The following MAF variants were observed in gnomAD, a reference collection of about 807,000 sequenced individuals.
The protein encoded by MAF is MAF bZIP transcription factor.
MAF carries 10 observed loss-of-function variants against 22.0 expected under a neutral mutation model. That is an observed-to-expected ratio of 0.45 (90% CI 0.28 to 0.77). MAF has a LOEUF of 0.77. Ranked by LOEUF, MAF falls within the 30% of genes least tolerant of loss-of-function variation. The pLI is 0.12. For synonymous variants in MAF, 337 were observed against 255.8 expected, an observed-to-expected ratio of 1.32 and a Z score of -3.03; for missense variants, 544 against 548.4, an observed-to-expected ratio of 0.99 and a Z score of 0.08.
the MAF span, among the ~76,000 whole-genome samples, chr16:79,339,380 TGA>T: frequency 1.3e-5 from 2 of 152,188 alleles, no homozygotes; most frequent in Non-Finnish European, 1.5e-5. Flanking sequence ...TTTTAAAAAT[TGA>T]GTGTGCCTTC....
At chr16:79,583,284 G>C (rs1432680952), downstream of MAF, among the ~76,000 whole-genome samples, 1 of 152,130 alleles carries the variant, frequency 6.6e-6, no homozygotes, top group Non-Finnish European at 1.5e-5. Context: ...CCTTACGTTT[G>C]ACAACTGTTT....
the MAF span, among the ~76,000 whole-genome samples, chr16:79,338,816 G>C: frequency 6.6e-6 from 1 of 152,122 alleles, no homozygotes; most frequent in African/African-American, 2.4e-5. Flanking sequence ...TTTAAGAAAA[G>C]GGGAAATCCT....
chr16:79,350,760 G>A, the MAF span, among the ~76,000 whole-genome samples: 4 of 152,176 alleles, frequency 2.6e-5, no homozygotes, highest in Non-Finnish European at 4.4e-5. Flanking sequence ...ACCTGTTCAA[G>A]CAGGCATTCC....
chr16:79,489,458 G>C, the MAF span, among the ~76,000 whole-genome samples: 1 of 152,198 alleles, frequency 6.6e-6, no homozygotes, highest in Non-Finnish European at 1.5e-5. Flanking sequence ...TTGATTCCCT[G>C]GGGGAAATTC....
At chr16:79,265,931 G>A in the MAF span, among the ~76,000 whole-genome samples, 1 of 152,212 alleles carries the variant, frequency 6.6e-6, no homozygotes. Context: ...CAGGTGGGGA[G>A]TGTCTACAGC....
the MAF span, among the ~76,000 whole-genome samples, chr16:79,480,606 A>T: frequency 6.6e-6 from 1 of 152,086 alleles, no homozygotes; most frequent in Non-Finnish European, 1.5e-5. Context: ...ATCAGTTCTC[A>T]CTATGGAGGG....
the MAF span, among the ~76,000 whole-genome samples, chr16:79,267,252 T>C: frequency 6.6e-6 from 1 of 152,156 alleles, no homozygotes; most frequent in Non-Finnish European, 1.5e-5. Context: ...TGGTGGGGTA[T>C]TGTGCCCATT....
At chr16:79,555,832 C>A in the MAF span, among the ~76,000 whole-genome samples, 1 of 152,068 alleles carries the variant, frequency 6.6e-6, no homozygotes, top group African/African-American at 2.4e-5. Context: ...ACAGATAACA[C>A]AGATATAGAT....
the MAF span, among the ~76,000 whole-genome samples, chr16:79,341,457 G>T: frequency 1.3e-5 from 2 of 152,048 alleles, no homozygotes; most frequent in Non-Finnish European, 2.9e-5. Flanking sequence ...ACACCTCTTT[G>T]GTATCTCTTC....
At chr16:79,233,818 C>G in the MAF span, among the ~76,000 whole-genome samples, 1 of 151,924 alleles carries the variant, frequency 6.6e-6, no homozygotes, top group East Asian at 1.9e-4. Context: ...ATGGTGAAAC[C>G]CTGTTTCTAC....
chr16:79,408,229 T>C, the MAF span, among the ~76,000 whole-genome samples: 3 of 152,066 alleles, frequency 2.0e-5, no homozygotes, highest in Admixed American at 2.0e-4. Flanking sequence ...CAAGCTGGAG[T>C]GCAGTGATGG....
chr16:79,571,298 T>C, the MAF span, among the ~76,000 whole-genome samples: 2 of 152,064 alleles, frequency 1.3e-5, no homozygotes, highest in African/African-American at 4.8e-5. Context: ...GGCTTCCAAC[T>C]TCTCTTTTAC....
chr16:79,403,329 T>C, the MAF span, among the ~76,000 whole-genome samples: 3 of 152,164 alleles, frequency 2.0e-5, no homozygotes, highest in African/African-American at 7.2e-5. Flanking sequence ...AGCAAATGTA[T>C]GGGTAGAAAT....
chr16:79,418,123 T>A, the MAF span, among the ~76,000 whole-genome samples: 1 of 152,164 alleles, frequency 6.6e-6, no homozygotes, highest in Non-Finnish European at 1.5e-5. Context: ...GGACCTATCT[T>A]CATTGCCAGC....
the MAF span, among the ~76,000 whole-genome samples, chr16:79,313,351 C>T: frequency 2.6e-5 from 4 of 152,022 alleles, no homozygotes; most frequent in African/African-American, 7.2e-5. Context: ...TCTGAGGTTG[C>T]CTGATAAGAA....
At chr16:79,245,999 T>G in the MAF span, among the ~76,000 whole-genome samples, 1 of 151,130 alleles carries the variant, frequency 6.6e-6, no homozygotes, top group Non-Finnish European at 1.5e-5. Flanking sequence ...AAAGTGGGAG[T>G]TGAACAATGA....
chr16:79,516,675 T>C, the MAF span, among the ~76,000 whole-genome samples: 1 of 152,324 alleles, frequency 6.6e-6, no homozygotes, highest in South Asian at 2.1e-4. Flanking sequence ...AAGATGGCAA[T>C]TTTATTATTA....
the MAF span, chr16:79,211,576 ATT>A: frequency 3.1e-6 from 5 of 1,607,964 alleles, no homozygotes; most frequent in South Asian, 3.3e-5. Flanking sequence ...TTTTCTTAAA[ATT>A]TTTTTTTGTC....
chr16:79,467,342 C>T, the MAF span, among the ~76,000 whole-genome samples: 1 of 152,218 alleles, frequency 6.6e-6, no homozygotes, highest in Non-Finnish European at 1.5e-5. Flanking sequence ...AGATGGGAAT[C>T]TGCAAGGGGG....
Sources: allele counts gnomAD v4.1 joint callset (sites outside exome capture counted in the v4.1 genomes callset), GRCh38; gene constraint gnomAD v4.1.1; transcripts MANE v1.5; gene names NCBI Gene and HGNC (gene_info 2026-07-23, HGNC 2026-07-21).